Variants in SPTBN4 observed in about 807,000 individuals in gnomAD.
SPTBN4 encodes spectrin beta chain, non-erythrocytic 4.
In SPTBN4, 96 loss-of-function variants were observed where a neutral mutation model predicts 277.8. The ratio of observed to expected loss-of-function variants is 0.35; its 90% confidence interval spans 0.29 to 0.41. The LOEUF is 0.41. Among genes scored for constraint, SPTBN4 ranks in the 10% least tolerant of loss-of-function variants. The pLI, the probability that SPTBN4 is intolerant of heterozygous loss-of-function variation, is 1.00. For missense variants in SPTBN4, 3,006 were observed against 3,595.7 expected, an observed-to-expected ratio of 0.84 and a Z score of 4.19; for synonymous variants, 1,481 against 1,580.3, an observed-to-expected ratio of 0.94 and a Z score of 1.49.
chr19:40,565,423 G>A lies in SPTBN4; in HGVS notation c.5916G>A (p.Arg1972=). 1 of 1,612,440 alleles carries A rather than the reference G, an allele frequency of 6.2e-7. No individual in the cohort carries two copies. Among genetic ancestry groups the A allele is most frequent in the Non-Finnish European group, 8.5e-7 (1 of 1,179,018 alleles). ...ASQIGAADKP[R]DVSSVEVLMN... is the part of the protein sequence containing the mutation. ...GATCCCTGCCTGCCACCCACTGCAG[G>A]GACGTGTCATCAGTGGAGGTGCTCA... Residue 1972 remains arginine (R), a splice_region_variant and synonymous_variant, in exon 28 of 36, where the codon AGG becomes AGA. Transcript: ENST00000598249.
intron 7 of SPTBN4, among the ~76,000 whole-genome samples, chr19:40,500,211 C>A (rs2080249285): frequency 1.3e-5 from 2 of 152,020 alleles, no homozygotes; most frequent in Non-Finnish European, 2.9e-5. Context: ...AAACAACAAC[C>A]AATTAAAGTG....
At chr19:40,505,700 GAGGA>G (rs369584973) in intron 12 of SPTBN4, among the ~76,000 whole-genome samples, 27,945 of 116,374 alleles carry the variant, frequency 0.24, 3,358 homozygotes, top group South Asian at 0.27. Flanking sequence ...GAATGAAAGG[GAGGA>G]AGGAAGGAAG....
In SPTBN4 at chr19:40,504,055, C is replaced by T. The variant is rs751664387; in HGVS notation, c.1588C>T (p.Arg530Ter). ...LTGLVGARRT[R>*]LEQNLALQKV... ...TGGGCTTGTGGGTGCCCGGCGGACA[C>T]GACTTGAGCAGAACCTTGCCCTGCA... Residue 530 changes from arginine to a stop codon, truncating the protein, a stop_gained, in exon 12 of 36, where the codon CGA (arginine) becomes TGA (stop). Coordinates refer to ENST00000598249, the MANE Select transcript of SPTBN4 (RefSeq NM_020971.3). LOFTEE classifies it high-confidence loss of function. 2.5e-6 allele frequency: 4 copies of T among 1,611,182 alleles called. No homozygotes were observed. Among genetic ancestry groups the T allele is most frequent in the Non-Finnish European group, 3.4e-6 (4 of 1,178,554 alleles).
intron 16 of SPTBN4, among the ~76,000 whole-genome samples, chr19:40,522,430 ACC>A (rs1259061141): frequency 7.1e-6 from 1 of 141,442 alleles, no homozygotes; most frequent in African/African-American, 2.7e-5. Flanking sequence ...GGCTCACTGC[ACC>A]TCCTCCGCCT....
At chr19:40,530,589 A>T in intron 18 of SPTBN4, 2 of 978,708 alleles carry the variant, frequency 2.0e-6, no homozygotes, top group Non-Finnish European at 2.4e-6. Context: ...CTGCCGCTTC[A>T]GGTCTCGGGG....
chr19:40,539,879 G>C (rs2080779167), intron 20 of SPTBN4, among the ~76,000 whole-genome samples: 1 of 151,932 alleles, frequency 6.6e-6, no homozygotes, highest in African/African-American at 2.4e-5. Flanking sequence ...AGTGGTTTCA[G>C]AACTGCTGAC....
intron 20 of SPTBN4, among the ~76,000 whole-genome samples, chr19:40,537,339 G>A (rs951990447): frequency 1.3e-5 from 2 of 152,216 alleles, no homozygotes; most frequent in African/African-American, 4.8e-5. Context: ...TAGAATAGAA[G>A]AGAGCTAGCT....
intron 17 of SPTBN4, among the ~76,000 whole-genome samples, chr19:40,524,368 G>T (rs564765937): frequency 1.3e-5 from 2 of 151,744 alleles, no homozygotes; most frequent in Non-Finnish European, 2.9e-5. Flanking sequence ...AAAGCTGGGC[G>T]TGGTGATGCG....
chr19:40,556,018 A>AG (rs1188835130), intron 24 of SPTBN4, 66 bp from the exon 25 acceptor site: 3 of 1,442,884 alleles, frequency 2.1e-6, no homozygotes, highest in Non-Finnish European at 2.8e-6. Context: ...GAGGGGGTTT[A>AG]GGGGGGTCAC....
intron 22 of SPTBN4, among the ~76,000 whole-genome samples, chr19:40,551,987 C>T (rs1016224056): frequency 2.0e-5 from 3 of 146,816 alleles, no homozygotes; most frequent in African/African-American, 7.6e-5. Context: ...GAGTGAGACC[C>T]TGTCTCAAAA....
rs574537899 is a variant in SPTBN4 at position 40,514,479 on chromosome 19, C to T, written c.2766-832C>T. Among the ~76,000 whole-genome samples, 41 of 152,260 alleles carry T rather than the reference C, an allele frequency of 2.7e-4. No homozygotes were observed. The South Asian group carries it at 8.1e-3, about 30-fold the overall frequency. On this transcript the variant is annotated intron_variant, in intron 14 of 35. Transcript: ENST00000598249. ...CCAGGGCGGGAGGTAAGTAAACAGG[C>T]CATGGAGACTGATGGGCTGGAGCGA...
Position 40,534,469 on chromosome 19 carries a change from A to C in SPTBN4, c.4359+126A>C. 6 of 1,280,982 alleles carry C rather than the reference A, an allele frequency of 4.7e-6. No individual in the cohort carries two copies. In the South Asian group the frequency reaches 7.7e-5, roughly 16 times the overall value. The allele number at this position is 1,280,982 out of a possible 1,614,324, so 79.4% of individuals were successfully genotyped here. The stretch of plus-strand genomic sequence containing the variant: ...CAGGGATTTATTTCAAACTTGTAGA[A>C]GATGAGAAAGGGAATATTGAAGCAA... On this transcript the variant is annotated intron_variant, in intron 20 of 35. Transcript: ENST00000598249.
chr19:40,505,755 A>AAGGAAGGAAGG (rs1568786573), intron 12 of SPTBN4, among the ~76,000 whole-genome samples: 23 of 127,342 alleles, frequency 1.8e-4, no homozygotes, highest in African/African-American at 2.5e-4. Flanking sequence ...AGGAAGGAAG[A>AAGGAAGGAAGG]AAGAAAGGTG....
chr19:40,570,753 A>T, intron 33 of SPTBN4, 25 bp downstream of exon 33: 1 of 1,597,852 alleles, frequency 6.3e-7, no homozygotes, highest in Non-Finnish European at 8.5e-7. Flanking sequence ...GGGGCTTTGG[A>T]AGGCGGGTCT....
intron 24 of SPTBN4, chr19:40,555,056 A>T (rs921516484): frequency 1.1e-5 from 2 of 187,978 alleles, no homozygotes; most frequent in African/African-American, 4.8e-5. Flanking sequence ...TGCCTCGTGT[A>T]GGCGGATGCT....
At chr19:40,551,932 T>G (rs1599797658) in intron 22 of SPTBN4, among the ~76,000 whole-genome samples, 1 of 150,034 alleles carries the variant, frequency 6.7e-6, no homozygotes, top group South Asian at 2.1e-4. Context: ...AGGCAGAGGT[T>G]GCAGTGAGCC....
chr19:40,515,546 T>C lies in SPTBN4; in HGVS notation c.2903+98T>C. On this transcript the variant is annotated intron_variant, in intron 15 of 35. Coordinates refer to ENST00000598249, the MANE Select transcript of SPTBN4 (RefSeq NM_020971.3). The surrounding 1 kb of genome is among the most constrained non-coding windows in gnomAD (Gnocchi z 4.1). ...GTGCAATCTCAAACCCCTGGAATCA[T>C]AATGGCCACCCGATAAATCAACAAA... 1 of 1,308,638 alleles carries C rather than the reference T, an allele frequency of 7.6e-7. No homozygotes were observed. Among genetic ancestry groups the C allele is most frequent in the Non-Finnish European group, 1.0e-6 (1 of 1,002,168 alleles). The allele number at this position is 1,308,638 out of a possible 1,614,324, so 81.1% of individuals were successfully genotyped here. A position where few individuals can be genotyped will look rare whatever the true frequency, so the allele number is the denominator to read the frequency against.
At chr19:40,470,108 A>G (rs2079868234) in intron 1 of SPTBN4, among the ~76,000 whole-genome samples, 1 of 148,742 alleles carries the variant, frequency 6.7e-6, no homozygotes, top group Non-Finnish European at 1.5e-5. Flanking sequence ...AAGCGATTCT[A>G]CTGTCTCAGT....
At position 40,518,133 on chromosome 19, in the gene SPTBN4, C is replaced by T. The variant is rs914320360; in HGVS notation, c.2904-1268C>T. ...CCAGCCTGGCCAATGTGATGAAACC[C>T]CATCTCTATTAAAAATATAAAAACT... On this transcript the variant is annotated intron_variant, in intron 15 of 35. Coordinates refer to ENST00000598249, the MANE Select transcript of SPTBN4 (RefSeq NM_020971.3). Among the ~76,000 whole-genome samples, 8 of 152,014 alleles carry T rather than the reference C, an allele frequency of 5.3e-5. 1 individual carries two copies. Among genetic ancestry groups the T allele is most frequent in the African/African-American group, 1.4e-4 (6 of 41,388 alleles).
Sources: allele counts gnomAD v4.1 joint callset (sites outside exome capture counted in the v4.1 genomes callset), GRCh38; gene constraint gnomAD v4.1.1; non-coding constraint Gnocchi (gnomAD v3.1); transcripts MANE v1.5; gene names NCBI Gene and HGNC (gene_info 2026-07-23, HGNC 2026-07-21).